Variants in TMEM184B observed in about 807,000 individuals in gnomAD.
The protein encoded by TMEM184B is transmembrane protein 184B, also known as putative MAPK-activating protein FM08.
Under a neutral mutation model 41.8 loss-of-function variants are expected in TMEM184B, and 17 were observed. That is an observed-to-expected ratio of 0.41 (90% CI 0.28 to 0.61). The LOEUF (loss-of-function observed/expected upper bound fraction) is 0.61. Ranked by LOEUF, TMEM184B falls within the 20% of genes least tolerant of loss-of-function variation. The probability of loss-of-function intolerance (pLI) is 0.34; values close to 1 mark genes in which losing one functional copy is unlikely to be tolerated. For synonymous variants in TMEM184B, 240 were observed against 229.5 expected (o/e 1.05, Z -0.41); for missense variants, 393 against 557.8 (o/e 0.70, Z 2.98).
Position 38,219,516 on chromosome 22 carries a change from T to C in TMEM184B, c.*1953A>G, listed in dbSNP as rs1474574349. ...TTTATGTACAAAGAGCTACTCTACCTGGAAAGAAAATTAAAAAAAAAAAAG... is the reference window on the plus strand; with the variant it reads ...TTTATGTACAAAGAGCTACTCTACCCGGAAAGAAAATTAAAAAAAAAAAAG... On this transcript the variant is annotated 3_prime_UTR_variant, in exon 9 of 9. Coordinates refer to ENST00000361906, the MANE Select transcript of TMEM184B (RefSeq NM_012264.5). The C allele has an allele frequency of 1.9e-5, 19 of 984,542 alleles. No individual in the cohort carries two copies. The highest frequency in any genetic ancestry group is 3.5e-5 in the African/African-American group (2 of 56,710). The allele number at this position is 984,542 out of a possible 1,614,324, so 61.0% of individuals were successfully genotyped here. A position where few individuals can be genotyped will look rare whatever the true frequency, so the allele number is the denominator to read the frequency against.
At chr22:38,262,206 G>A (rs935044419) in intron 1 of TMEM184B, among the ~76,000 whole-genome samples, 3 of 152,234 alleles carry the variant, frequency 2.0e-5, no homozygotes, top group Non-Finnish European at 4.4e-5. Flanking sequence ...GCAGCGGCAG[G>A]CACCACGCGA....
chr22:38,224,050 G>A (rs5750562), intron 8 of TMEM184B: 41,574 of 152,156 alleles, frequency 0.27, 5,961 homozygotes, highest in Middle Eastern at 0.38. Context: ...AAGATTCGCA[G>A]GTGTAAAAGA....
At chr22:38,227,459 C>T (rs2091479211) in intron 5 of TMEM184B, among the ~76,000 whole-genome samples, 1 of 152,110 alleles carries the variant, frequency 6.6e-6, no homozygotes, top group Non-Finnish European at 1.5e-5. Context: ...GCTCAAGGAA[C>T]CAGCCACCGG....
chr22:38,226,614 G>C lies in TMEM184B; in HGVS notation c.617+165C>G. 1.5e-6 allele frequency: 1 copy of C among 651,062 alleles called. No homozygotes were observed. Among genetic ancestry groups the C allele is most frequent in the Non-Finnish European group, 2.6e-6 (1 of 380,732 alleles). 40.3% of individuals were successfully genotyped at this position (651,062 alleles called of 1,614,324 possible). On this transcript the variant is annotated intron_variant, in intron 6 of 8. Coordinates refer to ENST00000361906, the MANE Select transcript of TMEM184B (RefSeq NM_012264.5). The surrounding 1 kb of genome is among the most constrained non-coding windows in gnomAD (Gnocchi z 4.6). ...TCCGGGGCTGGCAGCGGGGCCAACTGCAAGGGTGTCCACTGCTGGGCTCAG... is the reference window on the plus strand; with the variant it reads ...TCCGGGGCTGGCAGCGGGGCCAACTCCAAGGGTGTCCACTGCTGGGCTCAG...
intron 3 of TMEM184B, among the ~76,000 whole-genome samples, chr22:38,242,450 C>T (rs966319306): frequency 2.0e-5 from 3 of 152,104 alleles, no homozygotes; most frequent in African/African-American, 7.2e-5. Flanking sequence ...TGCACTCCAG[C>T]CTGGGCGACA....
intron 3 of TMEM184B, among the ~76,000 whole-genome samples, chr22:38,234,481 C>T (rs942818526): frequency 6.6e-6 from 1 of 152,192 alleles, no homozygotes; most frequent in African/African-American, 2.4e-5. Context: ...TGCACCCAGT[C>T]CAAATTCTTG....
intron 3 of TMEM184B, among the ~76,000 whole-genome samples, chr22:38,232,846 A>G (rs2091670749): frequency 6.6e-6 from 1 of 152,202 alleles, no homozygotes; most frequent in Non-Finnish European, 1.5e-5. Flanking sequence ...CCCAGATCCC[A>G]GAGGTTCTAG....
At chr22:38,216,689 C>G (rs1221847974), downstream of TMEM184B, among the ~76,000 whole-genome samples, 1 of 152,072 alleles carries the variant, frequency 6.6e-6, no homozygotes, top group African/African-American at 2.4e-5. Context: ...GATGCTTCCT[C>G]TTGGTTGCTT....
chr22:38,253,579 A>G lies in TMEM184B; in HGVS notation c.-58-5560T>C, dbSNP rs537486605. Among the ~76,000 whole-genome samples, 6 of 152,302 alleles carry G rather than the reference A, an allele frequency of 3.9e-5. No individual in the cohort carries two copies. In the South Asian group the frequency reaches 1.2e-3, roughly 32 times the overall value. Reference sequence around the variant, plus strand: ...GAGCAAGACTCCATCTCAAAAATAAATAAATAAATAAATAATAAAAAACCT... The same window carrying G: ...GAGCAAGACTCCATCTCAAAAATAAGTAAATAAATAAATAATAAAAAACCT... On this transcript the variant is annotated intron_variant, in intron 1 of 8. Coordinates refer to ENST00000361906, the MANE Select transcript of TMEM184B (RefSeq NM_012264.5).
intron 3 of TMEM184B, among the ~76,000 whole-genome samples, chr22:38,245,453 G>A (rs1298257558): frequency 6.8e-6 from 1 of 148,064 alleles, no homozygotes; most frequent in African/African-American, 2.5e-5. Context: ...TGCCTGAGAC[G>A]CCAGCACTAA....
intron 5 of TMEM184B, among the ~76,000 whole-genome samples, chr22:38,229,292 G>A (rs549607930): frequency 1.3e-5 from 2 of 152,372 alleles, no homozygotes; most frequent in South Asian, 4.1e-4. Flanking sequence ...AAGAGTGGGC[G>A]TGATCCCCTC....
downstream of TMEM184B, among the ~76,000 whole-genome samples, chr22:38,218,552 A>G (rs1029429195): frequency 2.6e-5 from 4 of 151,944 alleles, no homozygotes; most frequent in Non-Finnish European, 5.9e-5. Flanking sequence ...CCCGCGGGGT[A>G]AGGGACCAGT....
At chr22:38,244,378 TACC>T (rs1032939603) in intron 3 of TMEM184B, among the ~76,000 whole-genome samples, 1 of 152,114 alleles carries the variant, frequency 6.6e-6, no homozygotes, top group Non-Finnish European at 1.5e-5. Flanking sequence ...CCGGTCACTT[TACC>T]TAAAACCAGC....
At chr22:38,241,356 G>T (rs2091902297) in intron 3 of TMEM184B, among the ~76,000 whole-genome samples, 1 of 152,110 alleles carries the variant, frequency 6.6e-6, no homozygotes, top group Admixed American at 6.6e-5. Flanking sequence ...CTAAAAGAAG[G>T]CAAGTAGTAA....
intron 1 of TMEM184B, among the ~76,000 whole-genome samples, chr22:38,262,838 T>C (rs1569055522): frequency 6.6e-6 from 1 of 152,196 alleles, no homozygotes; most frequent in East Asian, 1.9e-4. Context: ...ACTTGAGAAG[T>C]AGCCAGAACC....
chr22:38,236,395 C>T (rs1454392344), intron 3 of TMEM184B, among the ~76,000 whole-genome samples: 1 of 152,202 alleles, frequency 6.6e-6, no homozygotes, highest in Non-Finnish European at 1.5e-5. Flanking sequence ...GTGACAACCA[C>T]CTTCTTCCCA....
intron 1 of TMEM184B, among the ~76,000 whole-genome samples, chr22:38,272,211 C>G (rs1226607326): frequency 6.6e-6 from 1 of 152,218 alleles, no homozygotes; most frequent in Non-Finnish European, 1.5e-5. Flanking sequence ...TGGCCTGGAG[C>G]CACCCAGCAC....
At chr22:38,223,309 G>A (rs1338602131) in intron 8 of TMEM184B, 1 of 152,464 alleles carries the variant, frequency 6.6e-6, no homozygotes, top group African/African-American at 2.4e-5. Context: ...GGGCCCCCTT[G>A]CTCCTTGGGG....
chr22:38,247,810 C>T lies in TMEM184B; in HGVS notation c.152G>A (p.Gly51Asp). Reference protein sequence around the residue: ...LMTTAAQAISGFFVWTALLIT... With the variant: ...LMTTAAQAISDFFVWTALLIT... Reference sequence around the variant, plus strand: ...GAGCAGGGCCGTCCACACGAAGAAGCCAGAGATGGCCTGAGCGGCAGTTGT... The same window carrying T: ...GAGCAGGGCCGTCCACACGAAGAAGTCAGAGATGGCCTGAGCGGCAGTTGT... Residue 51 changes from glycine (G) to aspartate (D), a missense_variant, in exon 2 of 9, where the codon GGC becomes GAC. Gly to Asp is a moderately conservative substitution (Grantham distance 94). This residue lies in a region of TMEM184B where 122 missense variants were observed against 123.7 expected (regional missense o/e 0.99). Transcript: ENST00000361906. 1 of 1,614,016 alleles carries T rather than the reference C, an allele frequency of 6.2e-7. No homozygotes were observed. The highest frequency in any genetic ancestry group is 8.5e-7 in the Non-Finnish European group (1 of 1,180,006).
Sources: gnomAD v4.1 joint callset for allele counts (sites outside exome capture counted in the v4.1 genomes callset) on GRCh38, gnomAD v4.1.1 for gene constraint, gnomAD v4.1.1 regional missense constraint, Gnocchi (gnomAD v3.1) non-coding constraint, MANE v1.5 for transcripts, NCBI Gene and HGNC (gene_info 2026-07-23, HGNC 2026-07-21) for gene names.